The following MYH11 variants were observed in gnomAD, a reference collection of about 807,000 sequenced individuals.
The protein encoded by MYH11 is myosin heavy chain 11.
MYH11 carries 80 observed loss-of-function variants against 246.6 expected under a neutral mutation model. That is an observed-to-expected ratio of 0.32 (90% CI 0.27 to 0.39). MYH11 has a LOEUF of 0.39. Ranked by LOEUF, MYH11 falls within the 10% of genes least tolerant of loss-of-function variation. The pLI, the probability that MYH11 is intolerant of heterozygous loss-of-function variation, is 1.00. For synonymous variants in MYH11, 1,071 were observed against 1,015.5 expected (o/e 1.05, Z -1.04); for missense variants, 2,158 against 2,546.8 (o/e 0.85, Z 3.29).
chr16:15,817,207 C>A (rs1018409910), intron 3 of MYH11, among the ~76,000 whole-genome samples: 7 of 152,080 alleles, frequency 4.6e-5, no homozygotes, highest in Non-Finnish European at 1.0e-4. Context: ...AAAAACAAAC[C>A]ACGGCCGGGC....
intron 38 of MYH11, among the ~76,000 whole-genome samples, chr16:15,715,844 G>A (rs995231290): frequency 6.6e-6 from 1 of 152,126 alleles, no homozygotes; most frequent in Non-Finnish European, 1.5e-5. Flanking sequence ...CGGAGTCTCT[G>A]GCCAGGCGTG....
At chr16:15,767,496 C>CT (rs1303274595) in intron 9 of MYH11, among the ~76,000 whole-genome samples, 2 of 151,458 alleles carry the variant, frequency 1.3e-5, no homozygotes, top group Non-Finnish European at 2.9e-5. Context: ...TTTTTTTTTC[C>CT]TTTTTGTGGA....
chr16:15,743,854 T>A (rs1056416034), intron 20 of MYH11, among the ~76,000 whole-genome samples: 2 of 152,142 alleles, frequency 1.3e-5, no homozygotes, highest in Admixed American at 6.5e-5. Flanking sequence ...CTCAAGGGCA[T>A]ATAAGGAGAA....
At chr16:15,823,622 G>T (rs1362362060) in intron 2 of MYH11, among the ~76,000 whole-genome samples, 9 of 151,950 alleles carry the variant, frequency 5.9e-5, no homozygotes, top group African/African-American at 2.2e-4. Context: ...TTGCAACTGT[G>T]GGGGGTTTTG....
chr16:15,717,238 G>C lies in MYH11; in HGVS notation c.5406C>G (p.His1802Gln), dbSNP rs746211825. The change falls in exon 38 of 41, where the codon CAC becomes CAG. Residue 1802 changes from histidine to glutamine, a missense_variant. His to Gln is a conservative substitution (Grantham distance 24). This residue lies in a region of MYH11 where 1,013 missense variants were observed against 993.5 expected (regional missense o/e 1.02). Coordinates refer to ENST00000300036, the MANE Select transcript of MYH11 (RefSeq NM_002474.3). ...RQNKELRSKL[H>Q]EMEGAVKSKF... The stretch of plus-strand genomic sequence containing the variant: ...TGGACTTGACGGCCCCCTCCATCTC[G>C]TGGAGCTTGCTCCGGAGCTCCTTGT... The C allele has an allele frequency of 3.3e-5, 53 of 1,614,026 alleles. No homozygotes were observed. Among genetic ancestry groups the C allele is most frequent in the African/African-American group, 5.3e-5 (4 of 74,924 alleles).
intron 5 of MYH11, 99 bp downstream of exon 5, chr16:15,786,531 C>T (rs762270147): frequency 3.1e-5 from 36 of 1,176,798 alleles, no homozygotes; most frequent in Admixed American, 5.1e-5. Context: ...CAGATGGGGC[C>T]TGAGTTCTTG....
At chr16:15,785,200 T>C (rs753820717) in intron 5 of MYH11, 38 of 155,544 alleles carry the variant, frequency 2.4e-4, no homozygotes, top group Non-Finnish European at 8.5e-5. Context: ...AAGGTTTTCA[T>C]AATTACTGGG....
At chr16:15,843,235 G>C (rs1039638323) in intron 1 of MYH11, among the ~76,000 whole-genome samples, 1 of 152,088 alleles carries the variant, frequency 6.6e-6, no homozygotes, top group Non-Finnish European at 1.5e-5. Flanking sequence ...GCTGGGCATA[G>C]TGGCATGTGC....
chr16:15,714,524 A>G (rs926484048), intron 40 of MYH11: 6 of 363,868 alleles, frequency 1.6e-5, no homozygotes, highest in Non-Finnish European at 2.6e-5. Context: ...GGAGGAGCAG[A>G]GCATGTCAGG....
At chr16:15,816,640 G>T (rs994493460) in intron 3 of MYH11, among the ~76,000 whole-genome samples, 1 of 152,054 alleles carries the variant, frequency 6.6e-6, no homozygotes, top group Non-Finnish European at 1.5e-5. Flanking sequence ...CATGTGTGTT[G>T]GAACGAGGAA....
At chr16:15,802,100 TC>T (rs904717986) in intron 3 of MYH11, among the ~76,000 whole-genome samples, 1 of 152,322 alleles carries the variant, frequency 6.6e-6, no homozygotes, top group African/African-American at 2.4e-5. Flanking sequence ...CTTTTCCTCA[TC>T]CCACCAAAAA....
chr16:15,810,354 CAAAT>C (rs1246492856), intron 3 of MYH11, among the ~76,000 whole-genome samples: 2 of 152,036 alleles, frequency 1.3e-5, no homozygotes, highest in East Asian at 3.9e-4. Context: ...TATTTTATAA[CAAAT>C]AATTCTCCTT....
chr16:15,810,944 A>G (rs1245567279), intron 3 of MYH11, among the ~76,000 whole-genome samples: 1 of 152,140 alleles, frequency 6.6e-6, no homozygotes, highest in Non-Finnish European at 1.5e-5. Flanking sequence ...TCAACCAAAG[A>G]TATTTAACCC....
chr16:15,757,797 C>A (rs760925529), intron 13 of MYH11, 30 bp downstream of exon 13: 1 of 1,613,888 alleles, frequency 6.2e-7, no homozygotes. Context: ...CAAGGTGTGA[C>A]GGAGCCCCGC....
intron 15 of MYH11, among the ~76,000 whole-genome samples, chr16:15,753,089 A>G (rs1185405385): frequency 1.3e-5 from 2 of 152,206 alleles, no homozygotes; most frequent in African/African-American, 2.4e-5. Context: ...GATACAGTGA[A>G]GTCCTTCTGA....
chr16:15,740,022 G>A (rs569112891), intron 23 of MYH11, 29 bp downstream of exon 23: 17 of 1,612,002 alleles, frequency 1.1e-5, no homozygotes, highest in Middle Eastern at 1.7e-4. Flanking sequence ...GATTATAGGC[G>A]TGAGCCACTG....
intron 3 of MYH11, among the ~76,000 whole-genome samples, chr16:15,799,220 AT>A (rs1398353996): frequency 6.6e-6 from 1 of 152,118 alleles, no homozygotes; most frequent in Non-Finnish European, 1.5e-5. Flanking sequence ...CCCTACCGTC[AT>A]GTACAGTCTT....
At position 15,715,137 on chromosome 16, in the gene MYH11, C is replaced by T. The variant is rs747096828; in HGVS notation, c.5613+27G>A. ...GGAGGCCGGCTGGGGGCTGGGGGCT[C>T]GAGGGAGGCTGGGTGGCAGGGGCTA... is the stretch of plus-strand genomic sequence containing the variant. On this transcript the variant is annotated intron_variant, in intron 39 of 40. Coordinates refer to ENST00000300036, the MANE Select transcript of MYH11 (RefSeq NM_002474.3). 36 of 1,612,368 alleles carry T rather than the reference C, an allele frequency of 2.2e-5. No homozygotes were observed. In the Admixed American group the frequency reaches 2.3e-4, roughly 10 times the overall value.
chr16:15,721,765 A>G lies in MYH11; in HGVS notation c.4366-131T>C, dbSNP rs113153833. The G allele has an allele frequency of 2.9e-3, 2,544 of 887,152 alleles. 52 individuals are homozygous for G. The African/African-American group carries it at 0.036, about 13-fold the overall frequency. The allele number at this position is 887,152 out of a possible 1,614,324, so 55.0% of individuals were successfully genotyped here. A position where few individuals can be genotyped will look rare whatever the true frequency, so the allele number is the denominator to read the frequency against. ...CAGGTGTAAGCAGTGTAGGTTAGCT[A>G]TGGGAGTAATTTATATAATCATCTG... On this transcript the variant is annotated intron_variant, in intron 31 of 40. Transcript: ENST00000300036.
Sources: allele counts gnomAD v4.1 joint callset (sites outside exome capture counted in the v4.1 genomes callset), GRCh38; gene constraint gnomAD v4.1.1; regional missense constraint gnomAD v4.1.1; transcripts MANE v1.5; gene names NCBI Gene and HGNC (gene_info 2026-07-23, HGNC 2026-07-21).